Variants in ZNF710 observed in about 807,000 individuals in gnomAD.
The protein encoded by ZNF710 is zinc finger protein 710.
In ZNF710, 13 loss-of-function variants were observed where a neutral mutation model predicts 50.6. The observed-to-expected ratio is 0.26, with a 90% CI of 0.17 to 0.41. The LOEUF (loss-of-function observed/expected upper bound fraction) is 0.41, where lower values mean the gene tolerates loss of function less well. Among genes scored for constraint, ZNF710 ranks in the 10% least tolerant of loss-of-function variants. The pLI is 1.00. For synonymous variants in ZNF710, 383 were observed against 397.0 expected (o/e 0.96, Z 0.42); for missense variants, 721 against 936.6 (o/e 0.77, Z 3.01).
chr15:90,007,917 A>G (rs1413359443), intron 1 of ZNF710, among the ~76,000 whole-genome samples: 1 of 152,046 alleles, frequency 6.6e-6, no homozygotes, highest in Non-Finnish European at 1.5e-5. Context: ...AGGCTAGCCC[A>G]TGAAAGCCTG....
intron 4 of ZNF710, among the ~76,000 whole-genome samples, chr15:90,077,785 G>A (rs1041262101): frequency 4.6e-5 from 7 of 152,144 alleles, no homozygotes; most frequent in African/African-American, 7.2e-5. Context: ...GTGTGGTAGC[G>A]CACACCTATC....
At chr15:90,047,180 T>C (rs1336360138) in intron 1 of ZNF710, among the ~76,000 whole-genome samples, 1 of 152,026 alleles carries the variant, frequency 6.6e-6, no homozygotes, top group Non-Finnish European at 1.5e-5. Context: ...GTTTCCCAGG[T>C]GGCAGGGCAC....
intron 1 of ZNF710, among the ~76,000 whole-genome samples, chr15:90,035,284 C>T (rs1296470068): frequency 2.0e-5 from 3 of 152,236 alleles, no homozygotes; most frequent in Non-Finnish European, 4.4e-5. Flanking sequence ...CTGGGCGTCA[C>T]TGACTTGCTG....
intron 4 of ZNF710, among the ~76,000 whole-genome samples, chr15:90,078,219 AAAAAAAAAAG>A (rs1900640625): frequency 6.6e-6 from 1 of 151,706 alleles, no homozygotes; most frequent in African/African-American, 2.4e-5. Flanking sequence ...CTCAAAAAAA[AAAAAAAAAAG>A]AAGAGAAAAG....
At chr15:90,043,268 G>A (rs1899356311) in intron 1 of ZNF710, among the ~76,000 whole-genome samples, 1 of 152,234 alleles carries the variant, frequency 6.6e-6, no homozygotes, top group Admixed American at 6.5e-5. Flanking sequence ...AGGGCCCGAG[G>A]GCTCTCATAG....
chr15:90,000,192 G>T (rs1897979262), upstream of ZNF710, among the ~76,000 whole-genome samples: 1 of 152,252 alleles, frequency 6.6e-6, no homozygotes, highest in South Asian at 2.1e-4. Context: ...AGAACCCGAG[G>T]ACAGAGCAGG....
chr15:90,078,399 C>A (rs760714778), intron 4 of ZNF710, among the ~76,000 whole-genome samples: 1 of 152,156 alleles, frequency 6.6e-6, no homozygotes. Context: ...TCCTTGTTCA[C>A]ATCCAGTGGA....
chr15:90,001,236 CTT>C (rs1358787138), upstream of ZNF710, among the ~76,000 whole-genome samples: 1 of 151,980 alleles, frequency 6.6e-6, no homozygotes, highest in Non-Finnish European at 1.5e-5. Flanking sequence ...GAAAAGAAAA[CTT>C]GGGCTGACAA....
intron 1 of ZNF710, among the ~76,000 whole-genome samples, chr15:90,058,384 G>A (rs1388510297): frequency 6.6e-6 from 1 of 152,190 alleles, no homozygotes; most frequent in African/African-American, 2.4e-5. Context: ...ACCCCAAGGA[G>A]GAGGCAGGAC....
At chr15:90,036,579 CAGTGGAAAGAA>C (rs1899134191) in intron 1 of ZNF710, among the ~76,000 whole-genome samples, 1 of 152,202 alleles carries the variant, frequency 6.6e-6, no homozygotes, top group Non-Finnish European at 1.5e-5. Context: ...CTACTGGCCG[CAGTGGAAAGAA>C]AGCCTGCTCC....
chr15:90,066,137 A>C (rs573795683), intron 1 of ZNF710, among the ~76,000 whole-genome samples: 2 of 152,328 alleles, frequency 1.3e-5, no homozygotes, highest in Admixed American at 6.5e-5. Context: ...GAAAAACAAC[A>C]ACTGCTTGTG....
At chr15:90,026,753 C>T (rs1186908785) in intron 1 of ZNF710, among the ~76,000 whole-genome samples, 1 of 152,092 alleles carries the variant, frequency 6.6e-6, no homozygotes, top group Non-Finnish European at 1.5e-5. Flanking sequence ...CTACGTCATG[C>T]TAATGCATTA....
intron 1 of ZNF710, among the ~76,000 whole-genome samples, chr15:90,031,517 A>G (rs1898949336): frequency 6.6e-6 from 1 of 152,214 alleles, no homozygotes; most frequent in African/African-American, 2.4e-5. Flanking sequence ...GTGAGGACAC[A>G]CAGGAAGTTC....
At chr15:90,052,864 C>T (rs747001060) in intron 1 of ZNF710, among the ~76,000 whole-genome samples, 3 of 152,134 alleles carry the variant, frequency 2.0e-5, no homozygotes, top group Admixed American at 6.6e-5. Flanking sequence ...ACCGGGGAGG[C>T]GGAGGTTGCG....
In ZNF710 at chr15:90,062,220, T is replaced by TTCTC. The variant is rs57400649; in HGVS notation, c.-28-4876_-28-4873dup. On this transcript the variant is annotated intron_variant, in intron 1 of 4. Coordinates refer to ENST00000268154, the MANE Select transcript of ZNF710 (RefSeq NM_198526.4). The surrounding 1 kb of genome is among the most constrained non-coding windows in gnomAD (Gnocchi z 5.6). ...CTTCATTTCTTCTCTCCCTCTCCCT[T>TTCTC]TCTCTCTCTCTCTCTCTGATATGTC... 7.6e-5 allele frequency among the ~76,000 whole-genome samples: 11 copies of TTCTC among 144,664 alleles called. No homozygotes were observed. Among genetic ancestry groups the TTCTC allele is most frequent in the Non-Finnish European group, 9.1e-5 (6 of 65,702 alleles). The allele number at this position is 144,664 out of a possible 152,430, so 94.9% of individuals were successfully genotyped here.
In ZNF710 at chr15:90,015,192, A is replaced by G. The variant is rs112418069; in HGVS notation, c.-29+13578A>G. ...AGGCATGAGCCACTGCGCCTGGCCC[A>G]TCAACCAAATTTTTAAAGCAGGCTA... On this transcript the variant is annotated intron_variant, in intron 1 of 4. Coordinates refer to ENST00000268154, the MANE Select transcript of ZNF710 (RefSeq NM_198526.4). Among the ~76,000 whole-genome samples, 912 of 152,252 alleles carry G rather than the reference A, an allele frequency of 6.0e-3. 4 individuals carry two copies. Among genetic ancestry groups the G allele is most frequent in the Non-Finnish European group, 0.01 (691 of 67,998 alleles).
chr15:90,023,882 C>A (rs966541688), intron 1 of ZNF710, among the ~76,000 whole-genome samples: 6 of 151,986 alleles, frequency 3.9e-5, no homozygotes, highest in Admixed American at 6.6e-5. Context: ...ACCTGTAGTC[C>A]CAGCTACTCG....
At chr15:90,010,928 G>GTTTTTTTTTTT (rs11341248) in intron 1 of ZNF710, among the ~76,000 whole-genome samples, 3 of 79,082 alleles carry the variant, frequency 3.8e-5, no homozygotes, top group Non-Finnish European at 7.0e-5. Flanking sequence ...TTGGTTTTTT[G>GTTTTTTTTTTT]TTTTTTTTTT....
chr15:90,004,357 C>T (rs528464382), intron 1 of ZNF710, among the ~76,000 whole-genome samples: 3 of 152,256 alleles, frequency 2.0e-5, no homozygotes, highest in African/African-American at 7.2e-5. Context: ...AGGAGGAGTC[C>T]AGCGCATCTT....
Sources: allele counts gnomAD v4.1 joint callset (sites outside exome capture counted in the v4.1 genomes callset), GRCh38; gene constraint gnomAD v4.1.1; non-coding constraint Gnocchi (gnomAD v3.1); transcripts MANE v1.5; gene names NCBI Gene and HGNC (gene_info 2026-07-23, HGNC 2026-07-21).